GLI3: variants seen among roughly 807,000 people sequenced by gnomAD.
The protein encoded by GLI3 is transcription activator GLI3.
A neutral mutation model predicts 100.8 loss-of-function variants in GLI3; 20 were observed. The observed-to-expected ratio is 0.20, with a 90% CI of 0.14 to 0.29. GLI3 has a LOEUF of 0.29. GLI3 is among the 10% of genes least tolerant of loss of function. The probability of loss-of-function intolerance (pLI) is 1.00; values close to 1 mark genes in which losing one functional copy is unlikely to be tolerated. For synonymous variants in GLI3, 938 were observed against 860.5 expected, an observed-to-expected ratio of 1.09 and a Z score of -1.58; for missense variants, 2,040 against 2,128.5, an observed-to-expected ratio of 0.96 and a Z score of 0.82.
intron 10 of GLI3, among the ~76,000 whole-genome samples, chr7:41,989,034 A>G (rs983412456): frequency 1.3e-5 from 2 of 152,228 alleles, no homozygotes; most frequent in Non-Finnish European, 2.9e-5. Context: ...TCTACAAGTT[A>G]CTGAGCAGAT....
At chr7:42,242,532 C>T (rs1386272694), upstream of GLI3, among the ~76,000 whole-genome samples, 7 of 152,172 alleles carry the variant, frequency 4.6e-5, no homozygotes, top group African/African-American at 1.7e-4. Context: ...CTAGTCATGC[C>T]CCCGTAGGGA....
intron 3 of GLI3, among the ~76,000 whole-genome samples, chr7:42,134,591 C>A (rs1786380718): frequency 6.6e-6 from 1 of 152,094 alleles, no homozygotes; most frequent in Non-Finnish European, 1.5e-5. Flanking sequence ...TGTGGGCTCT[C>A]AGGTTTGATA....
chr7:41,971,458 C>T (rs2128709465), intron 13 of GLI3, among the ~76,000 whole-genome samples: 1 of 152,250 alleles, frequency 6.6e-6, no homozygotes, highest in South Asian at 2.1e-4. Context: ...TTCTTGTTGT[C>T]TTTGAAATTT....
intron 2 of GLI3, among the ~76,000 whole-genome samples, chr7:42,175,094 C>A (rs1430374883): frequency 6.7e-6 from 1 of 150,176 alleles, no homozygotes; most frequent in Non-Finnish European, 1.5e-5. Context: ...CCCAGAGAGA[C>A]CCTGAGACTA....
intron 3 of GLI3, among the ~76,000 whole-genome samples, chr7:42,080,061 T>G (rs1784967233): frequency 6.6e-6 from 1 of 152,178 alleles, no homozygotes. Flanking sequence ...TACAATGCTA[T>G]CAAGGACATT....
At chr7:42,140,154 G>A (rs1380304341) in intron 3 of GLI3, among the ~76,000 whole-genome samples, 3 of 152,040 alleles carry the variant, frequency 2.0e-5, no homozygotes, top group South Asian at 2.1e-4. Context: ...CACCTCCTCC[G>A]GGAGGCCTTC....
intron 2 of GLI3, among the ~76,000 whole-genome samples, chr7:42,178,898 C>T (rs1787534930): frequency 6.6e-6 from 1 of 152,076 alleles, no homozygotes; most frequent in South Asian, 2.1e-4. Context: ...ACTTGACAGA[C>T]ATGAGCGAGT....
At chr7:42,162,392 T>C (rs369423176) in intron 2 of GLI3, among the ~76,000 whole-genome samples, 20 of 152,246 alleles carry the variant, frequency 1.3e-4, no homozygotes, top group Non-Finnish European at 2.5e-4. Flanking sequence ...TGAGAACACA[T>C]GTAATTTTTT....
chr7:42,091,763 G>C lies in GLI3; in HGVS notation c.368-14906C>G, dbSNP rs1246598245. Among the ~76,000 whole-genome samples the C allele has an allele frequency of 3.3e-5, 5 of 152,226 alleles. 1 individual carries two copies. The highest frequency in any genetic ancestry group is 4.8e-5 in the African/African-American group (2 of 41,456). ...CAGCAATATCCGCTCGCTCGGCTCA[G>C]TTTATTATTTAAACAGTTCCTTAAC... On this transcript the variant is annotated intron_variant, in intron 3 of 14. Coordinates refer to ENST00000395925, the MANE Select transcript of GLI3 (RefSeq NM_000168.6).
chr7:42,246,684 G>A (rs1788977680), intron 1 of GLI3, among the ~76,000 whole-genome samples: 1 of 152,008 alleles, frequency 6.6e-6, no homozygotes. Flanking sequence ...GAATCTCCAA[G>A]GTTATGTTCC....
intron 1 of GLI3, among the ~76,000 whole-genome samples, chr7:42,232,101 G>A (rs1354010793): frequency 1.3e-5 from 2 of 151,876 alleles, no homozygotes; most frequent in African/African-American, 4.8e-5. Flanking sequence ...ATGTACTCCT[G>A]TGCCACCCTC....
intron 2 of GLI3, among the ~76,000 whole-genome samples, chr7:42,195,091 C>T (rs955522976): frequency 7.2e-5 from 11 of 152,150 alleles, no homozygotes; most frequent in Middle Eastern, 3.4e-3. Flanking sequence ...TTATCTCACC[C>T]CCACTGCCAC....
intron 3 of GLI3, among the ~76,000 whole-genome samples, chr7:42,146,502 G>C (rs1247134551): frequency 6.6e-6 from 1 of 152,156 alleles, no homozygotes; most frequent in African/African-American, 2.4e-5. Context: ...ACTACTGTCA[G>C]CCAAAAAAGA....
intron 2 of GLI3, among the ~76,000 whole-genome samples, chr7:42,188,091 T>A (rs1787755767): frequency 6.7e-6 from 1 of 149,590 alleles, no homozygotes; most frequent in African/African-American, 2.5e-5. Context: ...ACTGGAGTGA[T>A]GCATCTACAA....
At chr7:41,980,090 G>C (rs1787615003) in intron 10 of GLI3, among the ~76,000 whole-genome samples, 1 of 152,240 alleles carries the variant, frequency 6.6e-6, no homozygotes, top group African/African-American at 2.4e-5. Flanking sequence ...CCTCTCCTTG[G>C]AGCAGTTCCC....
At chr7:42,219,189 A>G (rs1788435066) in intron 2 of GLI3, among the ~76,000 whole-genome samples, 1 of 152,234 alleles carries the variant, frequency 6.6e-6, no homozygotes, top group Non-Finnish European at 1.5e-5. Flanking sequence ...TCTATGGGAA[A>G]GCCAATATGT....
intron 2 of GLI3, among the ~76,000 whole-genome samples, chr7:42,182,671 TATATATATATACAC>T (rs1787632601): frequency 3.2e-5 from 3 of 92,808 alleles, no homozygotes; most frequent in Admixed American, 1.1e-4. Flanking sequence ...TATATATATA[TATATATATATACAC>T]ATGTGTGTAT....
At chr7:42,200,497 C>CCACTATTTT (rs529632480) in intron 2 of GLI3, among the ~76,000 whole-genome samples, 173 of 152,282 alleles carry the variant, frequency 1.1e-3, no homozygotes, top group African/African-American at 4.0e-3. Context: ...CCTCCCGTAT[C>CCACTATTTT]CACTATTTTA....
intron 3 of GLI3, among the ~76,000 whole-genome samples, chr7:42,126,526 G>T (rs1042080069): frequency 6.6e-6 from 1 of 152,190 alleles, no homozygotes; most frequent in African/African-American, 2.4e-5. Context: ...AAGACCTAGA[G>T]AAAGTTAAGA....
Sources: allele counts gnomAD v4.1 joint callset (sites outside exome capture counted in the v4.1 genomes callset), GRCh38; gene constraint gnomAD v4.1.1; transcripts MANE v1.5; gene names NCBI Gene and HGNC (gene_info 2026-07-23, HGNC 2026-07-21).